Variants in PDZRN3 observed in about 807,000 individuals in gnomAD.
PDZRN3 encodes PDZ domain containing ring finger 3.
Under a neutral mutation model 85.7 loss-of-function variants are expected in PDZRN3, and 38 were observed. That is an observed-to-expected ratio of 0.44 (90% CI 0.34 to 0.58). The LOEUF (loss-of-function observed/expected upper bound fraction) is 0.58. PDZRN3 is among the 20% of genes least tolerant of loss of function. The pLI is 0.01. For synonymous variants in PDZRN3, 759 were observed against 638.0 expected (o/e 1.19, Z -2.86); for missense variants, 1,629 against 1,506.4 (o/e 1.08, Z -1.35).
intron 3 of PDZRN3, chr3:73,474,632 T>C (rs1347027009): frequency 1.8e-5 from 22 of 1,219,056 alleles, no homozygotes; most frequent in Non-Finnish European, 1.9e-5. Context: ...GAGCAAATGC[T>C]ATGGTTGTGG....
intron 3 of PDZRN3, among the ~76,000 whole-genome samples, chr3:73,581,515 T>A (rs1378351879): frequency 6.6e-6 from 1 of 152,218 alleles, no homozygotes; most frequent in African/African-American, 2.4e-5. Context: ...GAGTGTATGT[T>A]ATACATTCAA....
chr3:73,390,029 G>A, intron 6 of PDZRN3, 151 bp from the exon 7 acceptor site: 1 of 670,290 alleles, frequency 1.5e-6, no homozygotes, highest in Non-Finnish European at 2.7e-6. Flanking sequence ...CGTGCAAGGA[G>A]AGGCAAACAT....
At chr3:73,410,769 G>A (rs1246658850) in intron 3 of PDZRN3, among the ~76,000 whole-genome samples, 8 of 152,168 alleles carry the variant, frequency 5.3e-5, no homozygotes, top group Admixed American at 1.3e-4. Flanking sequence ...TTTCTTTTCA[G>A]ATACCAATCC....
At chr3:73,469,551 T>A (rs1443952627) in intron 3 of PDZRN3, among the ~76,000 whole-genome samples, 1 of 152,218 alleles carries the variant, frequency 6.6e-6, no homozygotes, top group African/African-American at 2.4e-5. Context: ...GTGATTACAA[T>A]CACCGTTCAT....
intron 1 of PDZRN3, chr3:73,621,666 G>A (rs1274080921): frequency 1.3e-5 from 2 of 152,172 alleles, no homozygotes; most frequent in Non-Finnish European, 2.9e-5. Flanking sequence ...GCCAGGCTGG[G>A]TCTGAGGCCA....
In PDZRN3 at chr3:73,391,055, G is replaced by T. The variant is rs201195316; in HGVS notation, c.1316C>A (p.Thr439Lys). 3 of 1,613,462 alleles carry T rather than the reference G, an allele frequency of 1.9e-6. No homozygotes were observed. The highest frequency in any genetic ancestry group is 2.5e-6 in the Non-Finnish European group (3 of 1,179,606). Reference protein sequence around the residue: ...DKLGLTVCYRTDDEDDIGIYI... With the variant: ...DKLGLTVCYRKDDEDDIGIYI... Reference sequence around the variant, plus strand: ...AATCCCAATGTCGTCTTCATCGTCCGTCCGGTAGCACACAGTGAGGCCCAG... The same window carrying T: ...AATCCCAATGTCGTCTTCATCGTCCTTCCGGTAGCACACAGTGAGGCCCAG... The change falls in exon 6 of 10, where the codon ACG (threonine) becomes AAG (lysine). Residue 439 changes from threonine to lysine, a missense_variant. Thr to Lys is a moderately conservative substitution (Grantham distance 78). Transcript: ENST00000263666.
chr3:73,500,399 G>A (rs945305178), intron 3 of PDZRN3, among the ~76,000 whole-genome samples: 3 of 151,846 alleles, frequency 2.0e-5, no homozygotes, highest in Non-Finnish European at 4.4e-5. Flanking sequence ...GATTGAACTT[G>A]GCCTTTTAAA....
intron 3 of PDZRN3, among the ~76,000 whole-genome samples, chr3:73,601,149 A>C (rs1575758858): frequency 6.6e-6 from 1 of 152,196 alleles, no homozygotes; most frequent in Non-Finnish European, 1.5e-5. Context: ...AATTATCCTG[A>C]AGCATACTGC....
At chr3:73,532,527 A>G (rs1575715595) in intron 3 of PDZRN3, among the ~76,000 whole-genome samples, 1 of 152,210 alleles carries the variant, frequency 6.6e-6, no homozygotes, top group South Asian at 2.1e-4. Context: ...TTTGATCCTC[A>G]TTACACACTC....
chr3:73,553,139 A>C (rs930384568), intron 3 of PDZRN3, among the ~76,000 whole-genome samples: 1 of 152,236 alleles, frequency 6.6e-6, no homozygotes, highest in Non-Finnish European at 1.5e-5. Context: ...GTAAGCGGAC[A>C]TGTCTTAACT....
intron 1 of PDZRN3, among the ~76,000 whole-genome samples, chr3:73,612,432 G>C (rs1483506335): frequency 6.6e-6 from 1 of 152,194 alleles, no homozygotes; most frequent in African/African-American, 2.4e-5. Flanking sequence ...CTGGCAATTA[G>C]AGTTTTAAGT....
intron 3 of PDZRN3, among the ~76,000 whole-genome samples, chr3:73,424,950 A>G (rs1702282379): frequency 6.6e-6 from 1 of 152,182 alleles, no homozygotes; most frequent in Non-Finnish European, 1.5e-5. Context: ...TGACACTAGT[A>G]GAACTGAAGA....
intron 3 of PDZRN3, among the ~76,000 whole-genome samples, chr3:73,428,196 G>A (rs1702356309): frequency 6.6e-6 from 1 of 152,060 alleles, no homozygotes; most frequent in African/African-American, 2.4e-5. Context: ...GAATTCCAAG[G>A]GCACTGGGGA....
chr3:73,392,673 G>C (rs78351951), intron 5 of PDZRN3, among the ~76,000 whole-genome samples: 389 of 152,290 alleles, frequency 2.6e-3, no homozygotes, highest in African/African-American at 9.1e-3. Context: ...GAAGTTGTTT[G>C]TGGCAGAGTG....
chr3:73,490,590 T>C (rs1181824513), intron 3 of PDZRN3, among the ~76,000 whole-genome samples: 1 of 152,168 alleles, frequency 6.6e-6, no homozygotes, highest in Non-Finnish European at 1.5e-5. Context: ...TCTCCACCTA[T>C]AAATTCAAAT....
chr3:73,513,497 G>A (rs183191297), intron 3 of PDZRN3, among the ~76,000 whole-genome samples: 7 of 152,248 alleles, frequency 4.6e-5, no homozygotes, highest in Non-Finnish European at 8.8e-5. Flanking sequence ...CTGGACCCTG[G>A]CCAGTTAAGA....
At chr3:73,424,367 C>CA (rs66466551) in intron 3 of PDZRN3, among the ~76,000 whole-genome samples, 3,319 of 54,738 alleles carry the variant, frequency 0.061, 176 homozygotes, top group Middle Eastern at 0.12. Context: ...CCGTCTCTAC[C>CA]AAAAAAAAAA....
intron 3 of PDZRN3, among the ~76,000 whole-genome samples, chr3:73,426,113 G>C (rs905946297): frequency 6.6e-6 from 1 of 152,070 alleles, no homozygotes; most frequent in African/African-American, 2.4e-5. Context: ...GGAGGATATA[G>C]GATAATGCTG....
At chr3:73,496,030 T>G (rs1341813718) in intron 3 of PDZRN3, among the ~76,000 whole-genome samples, 12 of 151,882 alleles carry the variant, frequency 7.9e-5, no homozygotes, top group Non-Finnish European at 1.8e-4. Context: ...ATTATAAGGA[T>G]TATCTGTTCA....
Sources: gnomAD v4.1 joint callset for allele counts (sites outside exome capture counted in the v4.1 genomes callset) on GRCh38, gnomAD v4.1.1 for gene constraint, MANE v1.5 for transcripts, NCBI Gene and HGNC (gene_info 2026-07-23, HGNC 2026-07-21) for gene names.